STK33: variants seen among roughly 807,000 people sequenced by gnomAD.
STK33 encodes serine/threonine-protein kinase 33.
Under a neutral mutation model 58.0 loss-of-function variants are expected in STK33, and 52 were observed. The observed-to-expected ratio is 0.90, with a 90% CI of 0.72 to 1.13. The LOEUF is 1.13. Ranked by LOEUF, STK33 falls within the 50% of genes most tolerant of loss-of-function variation. The pLI, the probability that STK33 is intolerant of heterozygous loss-of-function variation, is 0.00. For synonymous variants in STK33, 215 were observed against 200.1 expected (o/e 1.07, Z -0.63); for missense variants, 630 against 604.2 (o/e 1.04, Z -0.45).
intron 1 of STK33, among the ~76,000 whole-genome samples, chr11:8,505,301 T>C (rs902558438): frequency 2.0e-5 from 3 of 152,204 alleles, no homozygotes; most frequent in African/African-American, 7.2e-5. Context: ...AAATTGATAT[T>C]TTTCATAGAT....
intron 1 of STK33, among the ~76,000 whole-genome samples, chr11:8,491,507 T>C (rs1950608181): frequency 6.6e-6 from 1 of 152,194 alleles, no homozygotes; most frequent in Non-Finnish European, 1.5e-5. Flanking sequence ...GGAACCAAGT[T>C]GGAAAACACT....
At chr11:8,513,264 C>T (rs948558945) in intron 1 of STK33, among the ~76,000 whole-genome samples, 3 of 152,112 alleles carry the variant, frequency 2.0e-5, no homozygotes, top group Non-Finnish European at 4.4e-5. Context: ...GCTCACCTAA[C>T]ATCTCACTTC....
chr11:8,357,115 T>C, the STK33 span, among the ~76,000 whole-genome samples: 790 of 152,386 alleles, frequency 5.2e-3, 5 homozygotes, highest in African/African-American at 0.018. Flanking sequence ...GTCATCAGAC[T>C]CATTGGCTCC....
chr11:8,413,536 G>GGA lies in STK33; in HGVS notation c.1301_1302dup (p.Pro435SerfsTer57). Reference sequence around the variant, plus strand: ...TCATCTGAAGTGTAATTGGCATCAGGGACATTTCCCCAGGGTTGGTAACTT... The same window carrying GGA: ...TCATCTGAAGTGTAATTGGCATCAGGGAGACATTTCCCCAGGGTTGGTAACTT... On this transcript the variant is annotated frameshift_variant, in exon 15 of 16. Coordinates refer to ENST00000687296, the MANE Select transcript of STK33 (RefSeq NM_001352389.2). LOFTEE classifies it low-confidence loss of function (END_TRUNC). 6.2e-7 allele frequency: 1 copy of GGA among 1,613,924 alleles called. No homozygotes were observed. The highest frequency in any genetic ancestry group is 8.5e-7 in the Non-Finnish European group (1 of 1,179,926).
intron 1 of STK33, among the ~76,000 whole-genome samples, chr11:8,587,429 G>A (rs2031863059): frequency 6.6e-6 from 1 of 152,028 alleles, no homozygotes; most frequent in East Asian, 1.9e-4. Flanking sequence ...AGGTGAGCCT[G>A]AGCTCACCAA....
intron 1 of STK33, among the ~76,000 whole-genome samples, chr11:8,498,798 T>G (rs1035008527): frequency 6.6e-6 from 1 of 152,160 alleles, no homozygotes; most frequent in Admixed American, 6.5e-5. Flanking sequence ...AATCATCTGA[T>G]CTTTGACAAA....
intron 1 of STK33, among the ~76,000 whole-genome samples, chr11:8,531,671 C>T (rs927800341): frequency 3.9e-5 from 6 of 152,162 alleles, no homozygotes; most frequent in Admixed American, 1.3e-4. Flanking sequence ...AGTGAGCCTC[C>T]CACAGAACCG....
At chr11:8,410,688 G>A (rs1940094454) in intron 15 of STK33, among the ~76,000 whole-genome samples, 1 of 151,962 alleles carries the variant, frequency 6.6e-6, no homozygotes, top group Non-Finnish European at 1.5e-5. Context: ...GTCCAGGCTG[G>A]TGTTGAACTC....
At chr11:8,462,387 T>TTA (rs745562606) in intron 7 of STK33, among the ~76,000 whole-genome samples, 104 of 134,790 alleles carry the variant, frequency 7.7e-4, no homozygotes, top group South Asian at 2.4e-3. Context: ...TTTGATTTGA[T>TTA]TATATATATA....
chr11:8,448,768 C>A (rs920785136), intron 11 of STK33, among the ~76,000 whole-genome samples: 2 of 152,180 alleles, frequency 1.3e-5, no homozygotes, highest in Non-Finnish European at 2.9e-5. Context: ...GCAACAAAAG[C>A]CAAAATTGAC....
chr11:8,407,340 G>GTTAT (rs1473266686), intron 15 of STK33, among the ~76,000 whole-genome samples: 1 of 151,954 alleles, frequency 6.6e-6, no homozygotes, highest in Non-Finnish European at 1.5e-5. Context: ...AGGTATTGTT[G>GTTAT]TTATTTATAA....
At chr11:8,471,289 T>C (rs1480058022) in intron 6 of STK33, among the ~76,000 whole-genome samples, 2 of 152,180 alleles carry the variant, frequency 1.3e-5, no homozygotes, top group South Asian at 4.1e-4. Flanking sequence ...GGCCAACTAG[T>C]TTTTTACAAA....
the STK33 span, among the ~76,000 whole-genome samples, chr11:8,352,391 C>G: frequency 1.3e-5 from 2 of 152,108 alleles, no homozygotes; most frequent in Non-Finnish European, 2.9e-5. Context: ...CTGGGGGTGG[C>G]AGCCCCAAGG....
the STK33 span, among the ~76,000 whole-genome samples, chr11:8,336,880 C>T: frequency 5.3e-5 from 8 of 152,246 alleles, no homozygotes; most frequent in African/African-American, 1.7e-4. Context: ...CTCTTGCCCA[C>T]ACCTGGCCAC....
At chr11:8,345,930 G>A in the STK33 span, among the ~76,000 whole-genome samples, 1 of 152,198 alleles carries the variant, frequency 6.6e-6, no homozygotes, top group African/African-American at 2.4e-5. Context: ...TCCACGTACC[G>A]AGTGGCAACC....
chr11:8,439,234 A>C (rs1166617267), intron 12 of STK33, among the ~76,000 whole-genome samples: 2 of 152,188 alleles, frequency 1.3e-5, no homozygotes, highest in Non-Finnish European at 2.9e-5. Context: ...ATTATACCAG[A>C]TACCAGGAAT....
chr11:8,410,670 G>A (rs1340718422), intron 15 of STK33, among the ~76,000 whole-genome samples: 4 of 151,720 alleles, frequency 2.6e-5, no homozygotes, highest in South Asian at 2.1e-4. Context: ...ACAGGGTTTC[G>A]CCATGTTGTC....
intron 14 of STK33, among the ~76,000 whole-genome samples, chr11:8,431,347 C>T (rs1485049044): frequency 6.6e-6 from 1 of 151,934 alleles, no homozygotes; most frequent in Non-Finnish European, 1.5e-5. Context: ...AGAAAATTTC[C>T]ATCCTCTTAT....
Position 8,575,645 on chromosome 11 carries a change from T to C in STK33, c.-466+18438A>G, listed in dbSNP as rs561570976. Among the ~76,000 whole-genome samples, 5 of 152,226 alleles carry C rather than the reference T, an allele frequency of 3.3e-5. No individual in the cohort carries two copies. In the South Asian group the frequency reaches 1.0e-3, roughly 32 times the overall value. The stretch of plus-strand genomic sequence containing the variant: ...GCTATAGAGTTTCTGTTTGGGGTGT[T>C]GAAAATTTTTGGAAGTAGTGGATAA... On this transcript the variant is annotated intron_variant, in intron 1 of 15. Transcript: ENST00000687296.
Sources: gnomAD v4.1 joint callset for allele counts (sites outside exome capture counted in the v4.1 genomes callset) on GRCh38, gnomAD v4.1.1 for gene constraint, MANE v1.5 for transcripts, NCBI Gene and HGNC (gene_info 2026-07-23, HGNC 2026-07-21) for gene names.